ANXA2: variants seen among roughly 807,000 people sequenced by gnomAD.
The protein encoded by ANXA2 is annexin A2.
ANXA2 carries 28 observed loss-of-function variants against 47.3 expected under a neutral mutation model. The observed-to-expected ratio is 0.59, with a 90% CI of 0.44 to 0.81. The LOEUF (loss-of-function observed/expected upper bound fraction) is 0.81. Among genes scored for constraint, ANXA2 ranks in the 40% least tolerant of loss-of-function variants. The pLI is 0.00. For synonymous variants in ANXA2, 172 were observed against 155.5 expected, an observed-to-expected ratio of 1.11 and a Z score of -0.79; for missense variants, 384 against 414.3, an observed-to-expected ratio of 0.93 and a Z score of 0.64.
intron 1 of ANXA2, among the ~76,000 whole-genome samples, chr15:60,392,664 A>G (rs1457025326): frequency 6.6e-6 from 1 of 152,272 alleles, no homozygotes; most frequent in Non-Finnish European, 1.5e-5. Context: ...AAACAAAAAC[A>G]TACTGCAACA....
rs1346223717 is a variant in ANXA2 at position 60,352,169 on chromosome 15, AG to A, written c.682+213del. Among the ~76,000 whole-genome samples, 2 of 152,222 alleles carry A rather than the reference AG, an allele frequency of 1.3e-5. No homozygotes were observed. The highest frequency in any genetic ancestry group is 4.8e-5 in the African/African-American group (2 of 41,444). On this transcript the variant is annotated intron_variant, in intron 9 of 12. Transcript: ENST00000451270. The surrounding 1 kb of genome is among the most constrained non-coding windows in gnomAD (Gnocchi z 4.2). ...AAGACCAAATGATCATCAAACAAGA[AG>A]GAGCTGCAGAATAAAGCACCAAATG... is the stretch of plus-strand genomic sequence containing the variant.
chr15:60,357,342 GCATC>G, intron 5 of ANXA2, 106 bp from the exon 6 acceptor site: 1 of 849,848 alleles, frequency 1.2e-6, no homozygotes, highest in Non-Finnish European at 1.9e-6. Context: ...GGGTCTGTTA[GCATC>G]CTGCTTTCTA....
intron 10 of ANXA2, 44 bp from the exon 11 acceptor site, chr15:60,351,295 C>T (rs1333170528): frequency 1.9e-6 from 3 of 1,594,136 alleles, no homozygotes; most frequent in African/African-American, 1.3e-5. Context: ...CTGCTCTGGT[C>T]TCTCCTCTAC....
At chr15:60,351,293 G>A (rs746024402) in intron 10 of ANXA2, 42 bp from the exon 11 acceptor site, 2 of 1,597,968 alleles carry the variant, frequency 1.3e-6, no homozygotes, top group Middle Eastern at 1.7e-4. Context: ...AGCTGCTCTG[G>A]TCTCTCCTCT....
At chr15:60,356,990 T>C (rs2062440356) in intron 6 of ANXA2, among the ~76,000 whole-genome samples, 156 bp downstream of exon 6, 1 of 152,222 alleles carries the variant, frequency 6.6e-6, no homozygotes, top group South Asian at 2.1e-4. Flanking sequence ...GGAGAGAAAC[T>C]TGGACCACAG....
At chr15:60,363,149 A>G (rs11631793) in intron 4 of ANXA2, 120,082 of 151,862 alleles carry the variant, frequency 0.79, 47,884 homozygotes, top group African/African-American at 0.87. Flanking sequence ...TTTGCTTGCT[A>G]TCCAGAGATG....
At chr15:60,360,055 G>C (rs1333811797) in intron 5 of ANXA2, among the ~76,000 whole-genome samples, 1 of 152,202 alleles carries the variant, frequency 6.6e-6, no homozygotes, top group Non-Finnish European at 1.5e-5. Context: ...TCGGGAGTTT[G>C]AGACCAGCCT....
chr15:60,367,329 G>A (rs1232632687), intron 3 of ANXA2, among the ~76,000 whole-genome samples: 7 of 117,614 alleles, frequency 6.0e-5, no homozygotes, highest in South Asian at 3.1e-4. Context: ...GCCTCTGCCC[G>A]GCCGCCCCTA....
intron 1 of ANXA2, among the ~76,000 whole-genome samples, chr15:60,387,696 A>T (rs1009424222): frequency 6.6e-6 from 1 of 152,200 alleles, no homozygotes; most frequent in East Asian, 1.9e-4. Context: ...TCTATGTACA[A>T]CACCAACAGT....
At position 60,360,998 on chromosome 15, in the gene ANXA2, C is replaced by CA. The variant is rs1327474933; in HGVS notation, c.299dup (p.Leu100PhefsTer11). ...ACTGAGCAGGTGTCTTCAATAGGCC[C>CA]AAAATCACCGTCTCCAGGTGGCCAG... On this transcript the variant is annotated frameshift_variant, in exon 5 of 13. Coordinates refer to ENST00000451270, the MANE Select transcript of ANXA2 (RefSeq NM_004039.3). LOFTEE classifies it high-confidence loss of function. 6.2e-7 allele frequency: 1 copy of CA among 1,614,028 alleles called. No individual in the cohort carries two copies. The highest frequency in any genetic ancestry group is 8.5e-7 in the Non-Finnish European group (1 of 1,179,912).
intron 1 of ANXA2, among the ~76,000 whole-genome samples, chr15:60,388,900 C>T (rs1229667209): frequency 5.5e-5 from 4 of 72,564 alleles, no homozygotes; most frequent in Non-Finnish European, 1.3e-4. Context: ...TGCCACTACA[C>T]CTGGCTTTTT....
At chr15:60,371,794 A>C (rs933382505) in intron 3 of ANXA2, among the ~76,000 whole-genome samples, 5 of 152,226 alleles carry the variant, frequency 3.3e-5, no homozygotes, top group Non-Finnish European at 7.3e-5. Flanking sequence ...GCATGCCACA[A>C]AGAGAGGACA....
chr15:60,384,504 T>A (rs1305565291), intron 2 of ANXA2: 1 of 152,158 alleles, frequency 6.6e-6, no homozygotes, highest in East Asian at 1.9e-4. Flanking sequence ...GCCCCACCTC[T>A]CCACACATAA....
chr15:60,378,136 C>T (rs569946735), intron 3 of ANXA2, among the ~76,000 whole-genome samples: 3 of 152,188 alleles, frequency 2.0e-5, no homozygotes, highest in Non-Finnish European at 2.9e-5. Context: ...GTTGTGATCA[C>T]ATAGCATATA....
At chr15:60,397,922 G>C in intron 1 of ANXA2, 21 bp downstream of exon 1, 1 of 1,329,212 alleles carries the variant, frequency 7.5e-7, no homozygotes. Flanking sequence ...ATCGCGGGCG[G>C]GCAGGGCGCG....
In ANXA2 at chr15:60,347,553, T is replaced by C; in HGVS notation, c.*77A>G. ...CAGGGATGGCCACGGGGACTGTTAT[T>C]CGCAAGCTGGTTTTCTAGACCTGTT... On this transcript the variant is annotated 3_prime_UTR_variant, in exon 13 of 13. Transcript: ENST00000451270. 1 of 1,472,702 alleles carries C rather than the reference T, an allele frequency of 6.8e-7. No homozygotes were observed. The highest frequency in any genetic ancestry group is 9.5e-7 in the Non-Finnish European group (1 of 1,053,216). The allele number at this position is 1,472,702 out of a possible 1,614,324, so 91.2% of individuals were successfully genotyped here.
At chr15:60,380,993 G>A (rs9920533) in intron 3 of ANXA2, among the ~76,000 whole-genome samples, 18,706 of 151,802 alleles carry the variant, frequency 0.12, 1,474 homozygotes, top group South Asian at 0.26. Flanking sequence ...CGTTAAGCGG[G>A]TTTTTCTACT....
chr15:60,361,406 C>T (rs746807019), intron 4 of ANXA2: 88 of 211,680 alleles, frequency 4.2e-4, no homozygotes, highest in Non-Finnish European at 6.9e-4. Flanking sequence ...AGGACGCTTT[C>T]GGAGATCAAG....
rs2062444184 is a variant in ANXA2, at chr15:60,357,214, G to A, written c.380C>T (p.Ser127Phe). ...TCTGGAGCAGATGATCTCAATGAGA[G>A]AGTCCTCGTCGGTTCCCAGCCCCTG... ...SMKGLGTDED[S>F]LIEIICSRTN... is the part of the protein sequence containing the mutation. Residue 127 changes from serine (S) to phenylalanine (F), a missense_variant, in exon 6 of 13, where the codon TCT becomes TTT. By Grantham distance (155) the Ser-to-Phe change is radical. Coordinates refer to ENST00000451270, the MANE Select transcript of ANXA2 (RefSeq NM_004039.3). 2.5e-6 allele frequency: 4 copies of A among 1,614,168 alleles called. No individual in the cohort carries two copies. The East Asian group carries it at 8.9e-5, about 36-fold the overall frequency.
Sources: gnomAD v4.1 joint callset for allele counts (sites outside exome capture counted in the v4.1 genomes callset) on GRCh38, gnomAD v4.1.1 for gene constraint, Gnocchi (gnomAD v3.1) non-coding constraint, MANE v1.5 for transcripts, NCBI Gene and HGNC (gene_info 2026-07-23, HGNC 2026-07-21) for gene names.